The following SGCZ variants were observed in gnomAD, a reference collection of about 807,000 sequenced individuals.
SGCZ encodes zeta-sarcoglycan.
Under a neutral mutation model 41.3 loss-of-function variants are expected in SGCZ, and 40 were observed. The ratio of observed to expected loss-of-function variants is 0.97; its 90% CI spans 0.75 to 1.26. The LOEUF is 1.26. SGCZ is among the 50% of genes most tolerant of loss of function. SGCZ has a pLI of 0.00. For synonymous variants in SGCZ, 206 were observed against 137.5 expected, an observed-to-expected ratio of 1.50 and a Z score of -3.49; for missense variants, 552 against 369.8, an observed-to-expected ratio of 1.49 and a Z score of -4.04.
At chr8:15,083,795 C>A (rs563111811) in intron 1 of SGCZ, among the ~76,000 whole-genome samples, 2 of 151,968 alleles carry the variant, frequency 1.3e-5, no homozygotes, top group Admixed American at 6.6e-5. Flanking sequence ...GGTCTCCCTA[C>A]GTTCCCCAGG....
chr8:14,874,323 G>T (rs930959271), intron 1 of SGCZ, among the ~76,000 whole-genome samples: 1 of 152,082 alleles, frequency 6.6e-6, no homozygotes, highest in African/African-American at 2.4e-5. Flanking sequence ...CTTGAAAGTT[G>T]ACTGTCCAAC....
At chr8:15,182,198 T>A (rs1391017327) in intron 1 of SGCZ, among the ~76,000 whole-genome samples, 1 of 152,164 alleles carries the variant, frequency 6.6e-6, no homozygotes, top group Admixed American at 6.5e-5. Context: ...CAGATGCCAA[T>A]AATATCCTTA....
intron 1 of SGCZ, among the ~76,000 whole-genome samples, chr8:14,570,731 A>C (rs1351557033): frequency 1.3e-5 from 2 of 152,174 alleles, no homozygotes; most frequent in East Asian, 3.9e-4. Context: ...TTCAATATTC[A>C]ATGTGATATG....
intron 1 of SGCZ, among the ~76,000 whole-genome samples, chr8:14,641,170 C>T (rs749819384): frequency 1.3e-5 from 2 of 151,582 alleles, no homozygotes; most frequent in Non-Finnish European, 3.0e-5. Context: ...ATCAAAATTG[C>T]TTCTACTGCT....
At chr8:14,251,798 C>T (rs574335146) in intron 3 of SGCZ, among the ~76,000 whole-genome samples, 2 of 152,176 alleles carry the variant, frequency 1.3e-5, no homozygotes, top group East Asian at 3.9e-4. Flanking sequence ...GCCTGGGATA[C>T]TTTGCCTCCC....
chr8:14,324,012 G>A, intron 3 of SGCZ, 91 bp downstream of exon 3: 1 of 770,556 alleles, frequency 1.3e-6, no homozygotes, highest in Non-Finnish European at 2.1e-6. Context: ...AACACATGCT[G>A]AAGAGATAAG....
chr8:14,809,931 G>C (rs1042858754), intron 1 of SGCZ, among the ~76,000 whole-genome samples: 2 of 152,056 alleles, frequency 1.3e-5, no homozygotes, highest in African/African-American at 4.8e-5. Flanking sequence ...TGGATATTTA[G>C]ATACTTAGAA....
At chr8:14,118,786 C>G (rs775887622) in intron 5 of SGCZ, among the ~76,000 whole-genome samples, 35 of 152,088 alleles carry the variant, frequency 2.3e-4, no homozygotes, top group Non-Finnish European at 4.7e-4. Context: ...ATATGGCTAG[C>G]CAGTTTTCCC....
intron 4 of SGCZ, among the ~76,000 whole-genome samples, chr8:14,222,531 C>T (rs1806234419): frequency 6.6e-6 from 1 of 152,044 alleles, no homozygotes; most frequent in East Asian, 1.9e-4. Flanking sequence ...GCATATAAAT[C>T]AGTAAATCCT....
chr8:14,559,370 C>A (rs1016307678), intron 1 of SGCZ, among the ~76,000 whole-genome samples: 2 of 151,952 alleles, frequency 1.3e-5, no homozygotes, highest in Non-Finnish European at 2.9e-5. Context: ...AGAACTCGAC[C>A]CCTTTTACCA....
intron 4 of SGCZ, among the ~76,000 whole-genome samples, chr8:14,230,060 C>T (rs551266298): frequency 2.6e-5 from 4 of 152,050 alleles, no homozygotes; most frequent in South Asian, 2.1e-4. Context: ...GCACAAAATA[C>T]GTGCCTATGC....
intron 2 of SGCZ, 73 bp from the exon 3 acceptor site, chr8:14,324,277 C>T: frequency 9.5e-7 from 1 of 1,056,058 alleles, no homozygotes. Context: ...TTTCTTAGGC[C>T]TAAATTGAGA....
intron 1 of SGCZ, among the ~76,000 whole-genome samples, chr8:14,749,983 A>G (rs1430863232): frequency 5.3e-5 from 8 of 152,198 alleles, no homozygotes; most frequent in Admixed American, 1.3e-4. Flanking sequence ...ATTACACTAT[A>G]AAAGTTGATC....
chr8:15,173,456 A>G (rs1212472660), intron 1 of SGCZ, among the ~76,000 whole-genome samples: 3 of 152,170 alleles, frequency 2.0e-5, no homozygotes, highest in African/African-American at 4.8e-5. Flanking sequence ...TACCTGGCAC[A>G]TATCTAGGGC....
chr8:14,992,522 T>C (rs1006076028), intron 1 of SGCZ, among the ~76,000 whole-genome samples: 1 of 144,236 alleles, frequency 6.9e-6, no homozygotes, highest in African/African-American at 2.6e-5. Flanking sequence ...CCTCTCACCC[T>C]CAACTATTCA....
intron 3 of SGCZ, among the ~76,000 whole-genome samples, chr8:14,284,512 A>G (rs1015578660): frequency 6.6e-6 from 1 of 152,114 alleles, no homozygotes; most frequent in Non-Finnish European, 1.5e-5. Flanking sequence ...ATGCCTTTAG[A>G]TTTAAACTTT....
At chr8:14,197,168 T>G (rs1355994535) in intron 4 of SGCZ, among the ~76,000 whole-genome samples, 3 of 152,156 alleles carry the variant, frequency 2.0e-5, no homozygotes, top group Non-Finnish European at 2.9e-5. Flanking sequence ...AAGGTCCGGA[T>G]GGCTTTCTTT....
At chr8:15,226,075 A>C (rs1801762385) in intron 1 of SGCZ, among the ~76,000 whole-genome samples, 1 of 152,214 alleles carries the variant, frequency 6.6e-6, no homozygotes, top group African/African-American at 2.4e-5. Context: ...AAAGACGTCT[A>C]AGCAACATAT....
chr8:15,134,408 T>C (rs1236788648), intron 1 of SGCZ, among the ~76,000 whole-genome samples: 1 of 152,044 alleles, frequency 6.6e-6, no homozygotes, highest in African/African-American at 2.4e-5. Context: ...ATTTAAGCTA[T>C]ATGCCCAAGG....
Sources: allele counts gnomAD v4.1 joint callset (sites outside exome capture counted in the v4.1 genomes callset), GRCh38; gene constraint gnomAD v4.1.1; transcripts MANE v1.5; gene names NCBI Gene and HGNC (gene_info 2026-07-23, HGNC 2026-07-21).